MARCHF7: variants seen among roughly 807,000 people sequenced by gnomAD.
MARCHF7 encodes E3 ubiquitin-protein ligase MARCHF7.
A neutral mutation model predicts 76.5 loss-of-function variants in MARCHF7; 20 were observed. The observed-to-expected ratio is 0.26, with a 90% CI of 0.18 to 0.38. The LOEUF (loss-of-function observed/expected upper bound fraction) is 0.38, where lower values mean the gene tolerates loss of function less well. Ranked by LOEUF, MARCHF7 falls within the 10% of genes least tolerant of loss-of-function variation. The probability of loss-of-function intolerance (pLI) is 1.00; values close to 1 mark genes in which losing one functional copy is unlikely to be tolerated. For synonymous variants in MARCHF7, 295 were observed against 293.0 expected, an observed-to-expected ratio of 1.01 and a Z score of -0.07; for missense variants, 797 against 812.9, an observed-to-expected ratio of 0.98 and a Z score of 0.24.
chr2:159,770,232 A>T lies in MARCHF7; in HGVS notation c.*2890A>T, dbSNP rs1560037348. ...TCAATATTGACATTAGTAATAGTCT[A>T]TCAATAATAAAATAGACATCTCAAT... On this transcript the variant is annotated 3_prime_UTR_variant, in exon 12 of 12. Coordinates refer to ENST00000409175, the MANE Select transcript of MARCHF7 (RefSeq NM_001282805.2). 2 of 151,172 alleles carry T rather than the reference A, an allele frequency of 1.3e-5. No individual in the cohort carries two copies. Among genetic ancestry groups the T allele is most frequent in the South Asian group, 2.1e-4 (1 of 4,830 alleles). 9.4% of individuals were successfully genotyped at this position (151,172 alleles called of 1,614,324 possible).
At chr2:159,722,034 T>C (rs1305658565) in intron 3 of MARCHF7, among the ~76,000 whole-genome samples, 1 of 152,364 alleles carries the variant, frequency 6.6e-6, no homozygotes, top group Admixed American at 6.5e-5. Flanking sequence ...GGAAAGATTG[T>C]ACATGTGAAC....
chr2:159,741,770 T>A (rs1172392116), intron 4 of MARCHF7, among the ~76,000 whole-genome samples: 1 of 152,238 alleles, frequency 6.6e-6, no homozygotes, highest in Non-Finnish European at 1.5e-5. Context: ...TACCACATAC[T>A]TAACTCATGG....
At chr2:159,717,464 G>T (rs1701166615) in intron 3 of MARCHF7, among the ~76,000 whole-genome samples, 1 of 152,132 alleles carries the variant, frequency 6.6e-6, no homozygotes, top group African/African-American at 2.4e-5. Context: ...ATTGGTACAT[G>T]GAAGCTCATT....
chr2:159,732,297 T>A (rs189936186), intron 4 of MARCHF7, among the ~76,000 whole-genome samples: 2 of 152,304 alleles, frequency 1.3e-5, no homozygotes, highest in East Asian at 3.9e-4. Context: ...GTAGAATTTT[T>A]AAAATCTTTA....
At chr2:159,725,890 C>A (rs1189614121) in intron 3 of MARCHF7, among the ~76,000 whole-genome samples, 1 of 152,160 alleles carries the variant, frequency 6.6e-6, no homozygotes, top group South Asian at 2.1e-4. Flanking sequence ...AAAGTGGAAA[C>A]ATTTCAGATG....
chr2:159,746,716 G>T (rs991837403), intron 6 of MARCHF7, among the ~76,000 whole-genome samples: 2 of 152,102 alleles, frequency 1.3e-5, no homozygotes, highest in African/African-American at 2.4e-5. Context: ...TTGTATCATT[G>T]TACATAGCCT....
chr2:159,742,569 G>A (rs16844269), intron 4 of MARCHF7, among the ~76,000 whole-genome samples: 52,229 of 151,742 alleles, frequency 0.34, 9,189 homozygotes, highest in South Asian at 0.44. Flanking sequence ...GACTTACTCT[G>A]CATCAGATTG....
intron 6 of MARCHF7, among the ~76,000 whole-genome samples, chr2:159,746,716 G>C (rs991837403): frequency 2.0e-5 from 3 of 152,102 alleles, no homozygotes; most frequent in African/African-American, 7.2e-5. Flanking sequence ...TTGTATCATT[G>C]TACATAGCCT....
intron 3 of MARCHF7, among the ~76,000 whole-genome samples, chr2:159,724,837 CT>C (rs1160908174): frequency 6.6e-6 from 1 of 152,186 alleles, no homozygotes; most frequent in East Asian, 1.9e-4. Flanking sequence ...CCCCCTCCCC[CT>C]ACCCTAAAAC....
chr2:159,763,416 A>C (rs1480357579), intron 10 of MARCHF7, among the ~76,000 whole-genome samples: 1 of 152,254 alleles, frequency 6.6e-6, no homozygotes, highest in Non-Finnish European at 1.5e-5. Flanking sequence ...CCAGTGTACT[A>C]ATTTTTAAGT....
chr2:159,739,767 A>C (rs999142966), intron 4 of MARCHF7, among the ~76,000 whole-genome samples: 2 of 152,228 alleles, frequency 1.3e-5, no homozygotes, highest in African/African-American at 2.4e-5. Flanking sequence ...TAGCAAAACT[A>C]ACCAAAACAT....
At chr2:159,758,549 G>C (rs1965702) in intron 8 of MARCHF7, among the ~76,000 whole-genome samples, 140,862 of 152,284 alleles carry the variant, frequency 0.92, 65,327 homozygotes, top group African/African-American at 0.96. Flanking sequence ...TTCTGTCTCT[G>C]TGAATTTGCA....
chr2:159,750,103 G>A (rs560060909), intron 7 of MARCHF7, among the ~76,000 whole-genome samples: 7 of 152,204 alleles, frequency 4.6e-5, no homozygotes, highest in South Asian at 4.2e-4. Flanking sequence ...ACAGGGTCTC[G>A]CTTTGCTTCC....
chr2:159,712,586 A>G lies in MARCHF7; in HGVS notation c.-163A>G, dbSNP rs1700292483. The G allele has an allele frequency of 6.6e-6, 1 of 152,312 alleles. No individual in the cohort carries two copies. Among genetic ancestry groups the G allele is most frequent in the Admixed American group, 6.6e-5 (1 of 15,248 alleles). The allele number at this position is 152,312 out of a possible 1,614,324, so 9.4% of individuals were successfully genotyped here. On this transcript the variant is annotated 5_prime_UTR_variant, in exon 1 of 12. Coordinates refer to ENST00000409175, the MANE Select transcript of MARCHF7 (RefSeq NM_001282805.2). The stretch of plus-strand genomic sequence containing the variant: ...GCATTTCCTCAGTCACGGGCCTAGA[A>G]CTCCAAGGAGAAAGGCGGCGGTGCG...
chr2:159,742,912 G>T, intron 4 of MARCHF7, 149 bp from the exon 5 acceptor site: 1 of 668,740 alleles, frequency 1.5e-6, no homozygotes, highest in East Asian at 3.0e-5. Context: ...ACTCCAGCTT[G>T]GGCAACAGAG....
rs970928968 is a variant in MARCHF7, at chr2:159,764,629, A to T, written c.2011A>T (p.Ile671Phe). 99 of 1,598,038 alleles carry T rather than the reference A, an allele frequency of 6.2e-5. No homozygotes were observed. The highest frequency in any genetic ancestry group is 7.5e-5 in the Non-Finnish European group (88 of 1,172,322). The change falls in exon 11 of 12, where the codon ATT becomes TTT. Residue 671 changes from isoleucine (I) to phenylalanine (F), a missense_variant. By Grantham distance (21) the Ile-to-Phe change is conservative. This residue lies in a region of MARCHF7 where 124 missense variants were observed against 121.3 expected (regional missense o/e 1.02). Transcript: ENST00000409175. ...TNEPSTRVRFINLARTLQAHM... is the reference protein window; with the variant it reads ...TNEPSTRVRFFNLARTLQAHM... ...TTTCTTTCTGCATTGTTTCTAGTTT[A>T]TTAACCTTGCAAGAACTCTTCAGGC... is the stretch of plus-strand genomic sequence containing the variant.
chr2:159,723,286 G>A (rs563269734), intron 3 of MARCHF7, among the ~76,000 whole-genome samples: 2 of 152,290 alleles, frequency 1.3e-5, no homozygotes, highest in East Asian at 3.9e-4. Flanking sequence ...AAAAGCCGAT[G>A]GTAGAAAAGA....
intron 3 of MARCHF7, among the ~76,000 whole-genome samples, chr2:159,727,449 G>A (rs527331077): frequency 9.9e-5 from 15 of 152,240 alleles, no homozygotes; most frequent in Admixed American, 3.9e-4. Flanking sequence ...TTAGCTGGGC[G>A]TGGTGGCGGG....
intron 9 of MARCHF7, among the ~76,000 whole-genome samples, chr2:159,761,350 T>A (rs1707045714): frequency 6.6e-6 from 1 of 151,032 alleles, no homozygotes; most frequent in African/African-American, 2.4e-5. Flanking sequence ...AAAAATGTTC[T>A]GGATATATTA....
Sources: allele counts gnomAD v4.1 joint callset (sites outside exome capture counted in the v4.1 genomes callset), GRCh38; gene constraint gnomAD v4.1.1; regional missense constraint gnomAD v4.1.1; transcripts MANE v1.5; gene names NCBI Gene and HGNC (gene_info 2026-07-23, HGNC 2026-07-21).